Variants in CALN1 observed in about 807,000 individuals in gnomAD.
CALN1 encodes the protein calcium-binding protein 8.
A neutral mutation model predicts 30.6 loss-of-function variants in CALN1; 17 were observed. The observed-to-expected ratio is 0.56, with a 90% CI of 0.38 to 0.83. The LOEUF is 0.83. Among genes scored for constraint, CALN1 ranks in the 40% least tolerant of loss-of-function variants. The pLI is 0.00. For missense variants in CALN1, 291 were observed against 354.9 expected, an observed-to-expected ratio of 0.82 and a Z score of 1.45; for synonymous variants, 156 against 131.4, an observed-to-expected ratio of 1.19 and a Z score of -1.28.
Position 72,230,633 on chromosome 7 carries a change from AG to A in CALN1, c.244+48052del, listed in dbSNP as rs551197822. Among the ~76,000 whole-genome samples the A allele has an allele frequency of 9.8e-5, 15 of 152,286 alleles. No individual in the cohort carries two copies. In the South Asian group the frequency reaches 1.9e-3, roughly 19 times the overall value. On this transcript the variant is annotated intron_variant, in intron 3 of 6. Transcript: ENST00000395275. ...GCTAAGGAATGCAGGCAGACTCTAT[AG>A]AAGTTCGACAAAGCAAGGAAACAGA... is the stretch of plus-strand genomic sequence containing the variant.
At chr7:72,281,329 C>A (rs1765138906) in intron 2 of CALN1, among the ~76,000 whole-genome samples, 1 of 152,124 alleles carries the variant, frequency 6.6e-6, no homozygotes, top group African/African-American at 2.4e-5. Flanking sequence ...TTGTAAACAA[C>A]CCAGTCTCAG....
At chr7:72,104,539 A>G (rs1450129801) in intron 4 of CALN1, among the ~76,000 whole-genome samples, 1 of 151,976 alleles carries the variant, frequency 6.6e-6, no homozygotes. Flanking sequence ...TATTCTTCCC[A>G]ATGCTCTCCC....
chr7:72,069,457 T>G (rs1563029027), intron 4 of CALN1, among the ~76,000 whole-genome samples: 1 of 152,192 alleles, frequency 6.6e-6, no homozygotes, highest in Non-Finnish European at 1.5e-5. Flanking sequence ...AAGCACTCCC[T>G]CTGGAGGCTC....
At chr7:72,243,546 C>T (rs1794978267) in intron 3 of CALN1, among the ~76,000 whole-genome samples, 1 of 152,128 alleles carries the variant, frequency 6.6e-6, no homozygotes, top group Admixed American at 6.5e-5. Flanking sequence ...CTAAGAGAAA[C>T]AGCCCCAGGC....
At chr7:72,222,813 G>T (rs1165538889) in intron 3 of CALN1, among the ~76,000 whole-genome samples, 24 of 152,140 alleles carry the variant, frequency 1.6e-4, no homozygotes. Context: ...TTAAGCCCAG[G>T]AGTTCAAGAC....
At chr7:71,955,465 A>G (rs1012106121) in intron 5 of CALN1, among the ~76,000 whole-genome samples, 2 of 152,220 alleles carry the variant, frequency 1.3e-5, no homozygotes, top group Non-Finnish European at 1.5e-5. Flanking sequence ...CTTTGAGGTC[A>G]ATATGACCCC....
intron 3 of CALN1, among the ~76,000 whole-genome samples, chr7:72,235,073 G>A (rs1039331176): frequency 4.3e-4 from 66 of 152,096 alleles, no homozygotes; most frequent in African/African-American, 1.5e-3. Flanking sequence ...AGAAGTTTGA[G>A]ACCACCCTGA....
intron 4 of CALN1, among the ~76,000 whole-genome samples, chr7:72,071,407 T>C (rs1229320719): frequency 1.3e-5 from 2 of 152,098 alleles, no homozygotes; most frequent in African/African-American, 4.8e-5. Context: ...GGCAGCACTA[T>C]TTTCCCCCGT....
At chr7:72,054,560 T>A (rs1370194615) in intron 4 of CALN1, among the ~76,000 whole-genome samples, 5 of 142,494 alleles carry the variant, frequency 3.5e-5, no homozygotes, top group Admixed American at 2.1e-4. Context: ...TATATATATA[T>A]AATGGAATAC....
At position 72,408,065 on chromosome 7, in the gene CALN1, T is replaced by C. The variant is rs554780929; in HGVS notation, c.-74+3993A>G. ...GCAGGCAGGAGCAACCTTGAAATAATTGGTGTTCAATAAACATATATTGAA... is the reference window on the plus strand; with the variant it reads ...GCAGGCAGGAGCAACCTTGAAATAACTGGTGTTCAATAAACATATATTGAA... On this transcript the variant is annotated intron_variant, in intron 1 of 6. Transcript: ENST00000395275. Among the ~76,000 whole-genome samples the C allele has an allele frequency of 2.0e-5, 3 of 152,188 alleles. No homozygotes were observed. In the South Asian group the frequency reaches 6.2e-4, roughly 32 times the overall value.
intron 5 of CALN1, among the ~76,000 whole-genome samples, chr7:71,854,719 A>C (rs2116615933): frequency 6.6e-6 from 1 of 152,370 alleles, no homozygotes; most frequent in African/African-American, 2.4e-5. Flanking sequence ...AAGATCACAG[A>C]AATTTTCAGA....
intron 3 of CALN1, among the ~76,000 whole-genome samples, chr7:72,165,872 TC>T (rs1788487961): frequency 1.3e-5 from 2 of 152,082 alleles, no homozygotes; most frequent in Non-Finnish European, 2.9e-5. Context: ...TTTTATCAAT[TC>T]AGATGGAAAC....
chr7:72,272,115 C>A (rs1585321854), intron 3 of CALN1, among the ~76,000 whole-genome samples: 1 of 149,366 alleles, frequency 6.7e-6, no homozygotes, highest in Non-Finnish European at 1.5e-5. Flanking sequence ...CTAGAGAAAA[C>A]TGAGCTGCAG....
chr7:71,866,325 T>C (rs1044038932), intron 5 of CALN1, among the ~76,000 whole-genome samples: 1 of 152,158 alleles, frequency 6.6e-6, no homozygotes, highest in Middle Eastern at 3.2e-3. Flanking sequence ...GCCAGTTTTA[T>C]ATGTTTATTA....
At chr7:72,399,979 C>G (rs1386439617) in intron 2 of CALN1, among the ~76,000 whole-genome samples, 3 of 152,264 alleles carry the variant, frequency 2.0e-5, no homozygotes, top group South Asian at 2.1e-4. Context: ...TGCCTGCTCC[C>G]CCTTTGCGTT....
intron 5 of CALN1, among the ~76,000 whole-genome samples, chr7:71,917,742 A>G (rs543353862): frequency 9.3e-4 from 141 of 152,194 alleles, no homozygotes; most frequent in African/African-American, 3.4e-3. Flanking sequence ...GGATGATTCA[A>G]TTACCTCCAC....
At chr7:72,335,543 C>T (rs1801962494) in intron 2 of CALN1, among the ~76,000 whole-genome samples, 1 of 152,186 alleles carries the variant, frequency 6.6e-6, no homozygotes, top group Non-Finnish European at 1.5e-5. Flanking sequence ...CAGCCACACA[C>T]AGCCGGCGCT....
chr7:71,846,300 T>TG (rs1790231213), intron 5 of CALN1, among the ~76,000 whole-genome samples: 1 of 152,138 alleles, frequency 6.6e-6, no homozygotes, highest in Non-Finnish European at 1.5e-5. Context: ...TTCTCTTATT[T>TG]TACAGAGATC....
chr7:72,318,901 A>G (rs1266459943), intron 2 of CALN1, among the ~76,000 whole-genome samples: 1 of 151,962 alleles, frequency 6.6e-6, no homozygotes, highest in Non-Finnish European at 1.5e-5. Flanking sequence ...GATGTGGAGA[A>G]AAAGAATGTT....
Sources: allele counts gnomAD v4.1 joint callset (sites outside exome capture counted in the v4.1 genomes callset), GRCh38; gene constraint gnomAD v4.1.1; transcripts MANE v1.5; gene names NCBI Gene and HGNC (gene_info 2026-07-23, HGNC 2026-07-21).